Variants in ARHGAP18 observed in about 807,000 individuals in gnomAD.
The protein encoded by ARHGAP18 is Rho GTPase activating protein 18, also known as rho GTPase-activating protein 18.
Under a neutral mutation model 86.2 loss-of-function variants are expected in ARHGAP18, and 67 were observed. That is an observed-to-expected ratio of 0.78 (90% CI 0.64 to 0.95). The LOEUF is 0.95. Ranked by LOEUF, ARHGAP18 falls within the 40% of genes least tolerant of loss-of-function variation. The pLI is 0.00. For missense variants in ARHGAP18, 691 were observed against 780.4 expected (o/e 0.89, Z 1.37); for synonymous variants, 283 against 280.4 (o/e 1.01, Z -0.09).
At chr6:129,632,421 A>G (rs1200465094) in intron 4 of ARHGAP18, among the ~76,000 whole-genome samples, 1 of 152,192 alleles carries the variant, frequency 6.6e-6, no homozygotes, top group African/African-American at 2.4e-5. Context: ...TTGTTGATAT[A>G]GCCTACATCA....
chr6:129,631,093 C>A (rs1006361324), intron 4 of ARHGAP18, among the ~76,000 whole-genome samples: 4 of 151,928 alleles, frequency 2.6e-5, no homozygotes, highest in Admixed American at 1.3e-4. Context: ...TTTATTTTCC[C>A]TCTGGTTTAT....
intron 3 of ARHGAP18, 44 bp from the exon 4 acceptor site, chr6:129,634,149 C>T (rs1773280993): frequency 6.4e-7 from 1 of 1,552,282 alleles, no homozygotes; most frequent in African/African-American, 1.4e-5. Context: ...CAACTCAAAA[C>T]CAGAGAAAAT....
intron 1 of ARHGAP18, among the ~76,000 whole-genome samples, chr6:129,670,496 G>T (rs1774123389): frequency 1.3e-5 from 2 of 152,108 alleles, no homozygotes; most frequent in Admixed American, 1.3e-4. Context: ...CGTTTTTCCT[G>T]CATTCTGGTA....
intron 9 of ARHGAP18, 51 bp from the exon 10 acceptor site, chr6:129,606,010 C>G: frequency 6.5e-7 from 1 of 1,547,708 alleles, no homozygotes; most frequent in Non-Finnish European, 8.9e-7. Flanking sequence ...GAACATTTTC[C>G]TTTACTTTAT....
intron 1 of ARHGAP18, among the ~76,000 whole-genome samples, chr6:129,653,443 T>C (rs1299354927): frequency 1.3e-5 from 2 of 152,212 alleles, no homozygotes; most frequent in Admixed American, 1.3e-4. Context: ...CTGGTAAGTA[T>C]AGAAGGCCGG....
intron 5 of ARHGAP18, among the ~76,000 whole-genome samples, chr6:129,623,193 T>C (rs191567850): frequency 1.7e-3 from 258 of 152,202 alleles, no homozygotes; most frequent in African/African-American, 5.9e-3. Context: ...TTGACTTTTT[T>C]ACTCATCAGA....
chr6:129,706,424 T>C lies in ARHGAP18; in HGVS notation c.113+3600A>G, dbSNP rs541363505. Among the ~76,000 whole-genome samples, 13 of 152,310 alleles carry C rather than the reference T, an allele frequency of 8.5e-5. No homozygotes were observed. The East Asian group carries it at 2.5e-3, about 29-fold the overall frequency. ...CATACAAAAGAAAAACAGGATTCTATAAAGGGAGAGGCTCTAACCAGGAGT... is the reference window on the plus strand; with the variant it reads ...CATACAAAAGAAAAACAGGATTCTACAAAGGGAGAGGCTCTAACCAGGAGT... On this transcript the variant is annotated intron_variant, in intron 1 of 14. Coordinates refer to ENST00000368149, the MANE Select transcript of ARHGAP18 (RefSeq NM_033515.3).
chr6:129,685,026 C>T (rs551971605), intron 1 of ARHGAP18, among the ~76,000 whole-genome samples: 56 of 152,312 alleles, frequency 3.7e-4, no homozygotes, highest in Admixed American at 6.5e-4. Context: ...CTTTCTCAGA[C>T]TCCGGCGGTG....
chr6:129,634,006 G>GAA (rs113829468), intron 4 of ARHGAP18, 36 bp downstream of exon 4: 56,097 of 1,367,152 alleles, frequency 0.041, 4 homozygotes, highest in Non-Finnish European at 0.045. Flanking sequence ...TTAAAGGGCG[G>GAA]AAAAAAAAAA....
chr6:129,661,512 G>GAAA (rs57799426), intron 1 of ARHGAP18, among the ~76,000 whole-genome samples: 51,824 of 136,042 alleles, frequency 0.38, 9,848 homozygotes, highest in Middle Eastern at 0.45. Flanking sequence ...CTCTTTAAAT[G>GAAA]AAAAAAAAAA....
Position 129,653,178 on chromosome 6 carries a change from A to G in ARHGAP18, c.114-11160T>C, listed in dbSNP as rs187107778. ...GGGAGTATAAAACCAACATTCCACC[A>G]GCCAGCAAAAGAAAAAACACAGACA... On this transcript the variant is annotated intron_variant, in intron 1 of 14. Transcript: ENST00000368149. Among the ~76,000 whole-genome samples, 23 of 152,346 alleles carry G rather than the reference A, an allele frequency of 1.5e-4. 1 individual carries two copies. In the East Asian group the frequency reaches 4.2e-3, roughly 28 times the overall value.
chr6:129,579,187 A>T (rs1451591066), intron 14 of ARHGAP18, among the ~76,000 whole-genome samples: 1 of 152,162 alleles, frequency 6.6e-6, no homozygotes, highest in Non-Finnish European at 1.5e-5. Flanking sequence ...AATGGTTTTG[A>T]ATCCACCTAA....
At chr6:129,586,097 T>C (rs1788390451) in intron 12 of ARHGAP18, among the ~76,000 whole-genome samples, 5 of 152,208 alleles carry the variant, frequency 3.3e-5, no homozygotes, top group Admixed American at 2.6e-4. Context: ...ATTAAATCAA[T>C]GGTGTAACAT....
intron 1 of ARHGAP18, among the ~76,000 whole-genome samples, chr6:129,707,024 C>T (rs534961997): frequency 2.6e-5 from 4 of 151,006 alleles, no homozygotes; most frequent in East Asian, 3.9e-4. Context: ...GTCGGGAGTT[C>T]GAGACCAGCC....
intron 1 of ARHGAP18, among the ~76,000 whole-genome samples, chr6:129,706,402 AC>A (rs979979867): frequency 3.3e-5 from 5 of 152,258 alleles, no homozygotes; most frequent in Non-Finnish European, 7.3e-5. Context: ...GAGGAAACAT[AC>A]AAAAGAAAAA....
At chr6:129,605,190 ACT>A (rs1240480509) in intron 10 of ARHGAP18, among the ~76,000 whole-genome samples, 2 of 152,068 alleles carry the variant, frequency 1.3e-5, no homozygotes, top group African/African-American at 4.8e-5. Context: ...TACTCTATAA[ACT>A]CTGCTGTTAA....
At chr6:129,673,035 C>T (rs943031998) in intron 1 of ARHGAP18, among the ~76,000 whole-genome samples, 1 of 152,226 alleles carries the variant, frequency 6.6e-6, no homozygotes, top group Non-Finnish European at 1.5e-5. Context: ...ATGGGTCTCT[C>T]CACTTCCTGC....
chr6:129,611,053 T>C (rs1335320341), intron 8 of ARHGAP18, among the ~76,000 whole-genome samples: 10 of 152,104 alleles, frequency 6.6e-5, no homozygotes, highest in Non-Finnish European at 1.3e-4. Context: ...ACCACCACAA[T>C]GCCTGGCTAA....
intron 5 of ARHGAP18, among the ~76,000 whole-genome samples, chr6:129,621,278 G>T (rs115456662): frequency 1.3e-5 from 2 of 152,152 alleles, no homozygotes; most frequent in Admixed American, 1.3e-4. Flanking sequence ...CTTTTAGTAA[G>T]TGAGAAACTA....
Sources: allele counts gnomAD v4.1 joint callset (sites outside exome capture counted in the v4.1 genomes callset), GRCh38; gene constraint gnomAD v4.1.1; transcripts MANE v1.5; gene names NCBI Gene and HGNC (gene_info 2026-07-23, HGNC 2026-07-21).